The following SLCO1B1 variants were observed in gnomAD, a reference collection of about 807,000 sequenced individuals.
SLCO1B1 encodes OATP-2.
A neutral mutation model predicts 70.1 loss-of-function variants in SLCO1B1; 81 were observed. That is an observed-to-expected ratio of 1.16 (90% CI 0.97 to 1.39). The LOEUF (loss-of-function observed/expected upper bound fraction) is 1.39, where lower values mean the gene tolerates loss of function less well. Among genes scored for constraint, SLCO1B1 ranks in the 40% most tolerant of loss-of-function variants. The pLI is 0.00. For synonymous variants in SLCO1B1, 283 were observed against 271.5 expected (o/e 1.04, Z -0.42); for missense variants, 895 against 799.6 (o/e 1.12, Z -1.44).
intron 12 of SLCO1B1, among the ~76,000 whole-genome samples, chr12:21,222,004 A>G (rs374396847): frequency 6.6e-6 from 1 of 152,094 alleles, no homozygotes; most frequent in Non-Finnish European, 1.5e-5. Flanking sequence ...GTATCTTCAG[A>G]GGCATAATAA....
chr12:21,185,007 G>A (rs775924993), intron 7 of SLCO1B1, among the ~76,000 whole-genome samples: 58 of 152,026 alleles, frequency 3.8e-4, no homozygotes, highest in Non-Finnish European at 3.8e-4. Flanking sequence ...CCATCAAGAA[G>A]GACAAAGAAG....
At chr12:21,166,888 C>A (rs913442214) in intron 2 of SLCO1B1, among the ~76,000 whole-genome samples, 4 of 152,096 alleles carry the variant, frequency 2.6e-5, no homozygotes, top group South Asian at 4.1e-4. Context: ...TTAGAAGCAA[C>A]CAAGGTGTCC....
At position 21,152,536 on chromosome 12, in the gene SLCO1B1, T is replaced by TTTTTTTTTTTTTTTTG. The variant is rs1940487181; in HGVS notation, c.84+10879_84+10894dup. Among the ~76,000 whole-genome samples the TTTTTTTTTTTTTTTTG allele has an allele frequency of 1.5e-5, 2 of 136,784 alleles. 1 individual carries two copies. Among genetic ancestry groups the TTTTTTTTTTTTTTTTG allele is most frequent in the Admixed American group, 1.5e-4 (2 of 13,112 alleles). 89.7% of individuals were successfully genotyped at this position (136,784 alleles called of 152,430 possible). ...CTAAGGTGTGGGAGAGGAGAGGCTT[T>TTTTTTTTTTTTTTTTG]TTTTTTTTTTTTTTTGCCTCTGGAC... On this transcript the variant is annotated intron_variant, in intron 2 of 14. Transcript: ENST00000256958.
intron 7 of SLCO1B1, among the ~76,000 whole-genome samples, chr12:21,184,007 A>T (rs572133561): frequency 1.3e-5 from 2 of 152,228 alleles, no homozygotes; most frequent in African/African-American, 4.8e-5. Flanking sequence ...AGAGCTTAAA[A>T]ACCAGTTTTT....
intron 7 of SLCO1B1, among the ~76,000 whole-genome samples, chr12:21,182,263 C>T (rs1940909962): frequency 6.6e-6 from 1 of 152,106 alleles, no homozygotes. Context: ...CATCTGGGAT[C>T]CTACCTACAA....
intron 2 of SLCO1B1, among the ~76,000 whole-genome samples, chr12:21,163,318 T>C (rs1311188309): frequency 6.6e-6 from 1 of 152,182 alleles, no homozygotes; most frequent in African/African-American, 2.4e-5. Context: ...ACTAGTTATT[T>C]TAAAATACTT....
chr12:21,181,270 T>G (rs1236720209), intron 7 of SLCO1B1, among the ~76,000 whole-genome samples: 1 of 152,130 alleles, frequency 6.6e-6, no homozygotes, highest in Admixed American at 6.5e-5. Context: ...CAAGAAAAAC[T>G]TTTTCTCACG....
intron 2 of SLCO1B1, among the ~76,000 whole-genome samples, chr12:21,156,639 G>T (rs1591802240): frequency 6.6e-6 from 1 of 151,984 alleles, no homozygotes; most frequent in Admixed American, 6.6e-5. Flanking sequence ...ATTATATAAA[G>T]ATAAAGCAAA....
intron 5 of SLCO1B1, among the ~76,000 whole-genome samples, chr12:21,177,185 A>G (rs1196867113): frequency 2.0e-5 from 3 of 152,178 alleles, no homozygotes; most frequent in Non-Finnish European, 4.4e-5. Context: ...AACAGGGCCA[A>G]CTGCAGAACT....
At chr12:21,153,510 G>A (rs1940500678) in intron 2 of SLCO1B1, among the ~76,000 whole-genome samples, 1 of 152,046 alleles carries the variant, frequency 6.6e-6, no homozygotes, top group Non-Finnish European at 1.5e-5. Context: ...CATCATTGAT[G>A]TTTGTAAGTC....
At position 21,178,918 on chromosome 12, in the gene SLCO1B1, T is replaced by C. The variant is rs1056252382; in HGVS notation, c.629-4T>C. ...CTAGTAAAATTGCTTTATAATATTTTCAGGTATATTGAATGCAATAGCAAT... is the reference window on the plus strand; with the variant it reads ...CTAGTAAAATTGCTTTATAATATTTCCAGGTATATTGAATGCAATAGCAAT... On this transcript the variant is annotated splice_region_variant and splice_polypyrimidine_tract_variant and intron_variant, in intron 6 of 14. Coordinates refer to ENST00000256958, the MANE Select transcript of SLCO1B1 (RefSeq NM_006446.5). The C allele has an allele frequency of 1.2e-5, 19 of 1,599,024 alleles. No homozygotes were observed. The highest frequency in any genetic ancestry group is 1.5e-5 in the Non-Finnish European group (17 of 1,167,160).
chr12:21,197,206 A>T lies in SLCO1B1; in HGVS notation c.970+18A>T. ...TGTGACTGGTAAGTATTTAACATTC[A>T]TTGTCAATTTGGAGTTGTTAATCTC... On this transcript the variant is annotated intron_variant, in intron 8 of 14. Coordinates refer to ENST00000256958, the MANE Select transcript of SLCO1B1 (RefSeq NM_006446.5). 6.2e-7 allele frequency: 1 copy of T among 1,611,790 alleles called. No individual in the cohort carries two copies. The highest frequency in any genetic ancestry group is 1.7e-5 in the Admixed American group (1 of 59,928).
intron 1 of SLCO1B1, among the ~76,000 whole-genome samples, chr12:21,137,667 G>C (rs1208552743): frequency 1.3e-5 from 2 of 152,190 alleles, no homozygotes; most frequent in Admixed American, 1.3e-4. Context: ...CTGGTGTGCT[G>C]TTTTTTAAGC....
chr12:21,159,801 A>T (rs1460890711), intron 2 of SLCO1B1, among the ~76,000 whole-genome samples: 1 of 152,164 alleles, frequency 6.6e-6, no homozygotes, highest in African/African-American at 2.4e-5. Context: ...CAATGTACAA[A>T]AATCAGTAGC....
At chr12:21,137,944 T>C (rs1004442042) in intron 1 of SLCO1B1, among the ~76,000 whole-genome samples, 1 of 152,218 alleles carries the variant, frequency 6.6e-6, no homozygotes, top group South Asian at 2.1e-4. Flanking sequence ...CTGGGAGCTG[T>C]AGACCAGAGC....
chr12:21,237,029 A>G (rs1025707431), intron 14 of SLCO1B1, among the ~76,000 whole-genome samples: 1 of 152,182 alleles, frequency 6.6e-6, no homozygotes, highest in Non-Finnish European at 1.5e-5. Flanking sequence ...AAAAGTGACT[A>G]CTGATGTTGT....
intron 7 of SLCO1B1, among the ~76,000 whole-genome samples, chr12:21,194,706 A>G (rs60290573): frequency 0.01 from 1,538 of 152,292 alleles, 34 homozygotes; most frequent in South Asian, 0.039. Flanking sequence ...CCTTATAGCA[A>G]TGTCCCACTT....
In SLCO1B1 at chr12:21,132,556, T is replaced by A. The variant is rs573796336; in HGVS notation, c.-62+1320T>A. Among the ~76,000 whole-genome samples the A allele has an allele frequency of 2.6e-5, 4 of 152,328 alleles. No individual in the cohort carries two copies. In the South Asian group the frequency reaches 8.3e-4, roughly 32 times the overall value. On this transcript the variant is annotated intron_variant, in intron 1 of 14. Coordinates refer to ENST00000256958, the MANE Select transcript of SLCO1B1 (RefSeq NM_006446.5). ...ACTGGTGTGAGATAGTATCTCATTG[T>A]GGTTTTGATTTGCATTTCTCTGATG... is the stretch of plus-strand genomic sequence containing the variant.
In SLCO1B1 at chr12:21,210,541, T is replaced by C. The variant is rs1941270645; in HGVS notation, c.1497+4508T>C. On this transcript the variant is annotated intron_variant, in intron 11 of 14. Coordinates refer to ENST00000256958, the MANE Select transcript of SLCO1B1 (RefSeq NM_006446.5). ...TTTTGGCTTAGGATTGACTTGGCGA[T>C]GTGGGCTCTTTTTTGGTTCCATATG... 2.4e-5 allele frequency among the ~76,000 whole-genome samples: 3 copies of C among 122,644 alleles called. 1 individual carries two copies. The South Asian group carries it at 7.7e-4, about 31-fold the overall frequency. The allele number at this position is 122,644 out of a possible 152,430, so 80.5% of individuals were successfully genotyped here. A position where few individuals can be genotyped will look rare whatever the true frequency, so the allele number is the denominator to read the frequency against.
Sources: allele counts gnomAD v4.1 joint callset (sites outside exome capture counted in the v4.1 genomes callset), GRCh38; gene constraint gnomAD v4.1.1; transcripts MANE v1.5; gene names NCBI Gene and HGNC (gene_info 2026-07-23, HGNC 2026-07-21).